The following KCNB2 variants were observed in gnomAD, a reference collection of about 807,000 sequenced individuals.
The protein encoded by KCNB2 is delayed rectifier potassium channel protein.
Under a neutral mutation model 61.5 loss-of-function variants are expected in KCNB2, and 15 were observed. That is an observed-to-expected ratio of 0.24 (90% CI 0.16 to 0.38). The LOEUF (loss-of-function observed/expected upper bound fraction) is 0.38. Ranked by LOEUF, KCNB2 falls within the 10% of genes least tolerant of loss-of-function variation. The pLI is 1.00. For synonymous variants in KCNB2, 457 were observed against 446.0 expected, an observed-to-expected ratio of 1.02 and a Z score of -0.31; for missense variants, 828 against 1,125.2, an observed-to-expected ratio of 0.74 and a Z score of 3.78.
rs545641907 is a variant in KCNB2 at position 72,596,685 on chromosome 8, T to C, written c.579+28372T>C. 2.6e-5 allele frequency among the ~76,000 whole-genome samples: 4 copies of C among 152,334 alleles called. No homozygotes were observed. In the South Asian group the frequency reaches 8.3e-4, roughly 32 times the overall value. ...CAGTGATAATTTGTCTAGTGTTCTA[T>C]ATACTCTATAAAGGTAAGGAAGTGA... On this transcript the variant is annotated intron_variant, in intron 2 of 2. Transcript: ENST00000523207.
intron 2 of KCNB2, among the ~76,000 whole-genome samples, chr8:72,856,870 G>A (rs966398267): frequency 6.6e-6 from 1 of 152,116 alleles, no homozygotes; most frequent in African/African-American, 2.4e-5. Flanking sequence ...TTCTCGATTG[G>A]TCAATTTGTT....
chr8:72,930,579 G>C (rs1025274585), intron 2 of KCNB2, among the ~76,000 whole-genome samples: 3 of 152,168 alleles, frequency 2.0e-5, no homozygotes, highest in Admixed American at 1.3e-4. Context: ...GTGTCTGTTG[G>C]CTGCATAAAT....
intron 2 of KCNB2, among the ~76,000 whole-genome samples, chr8:72,802,958 A>G (rs1809156144): frequency 6.6e-6 from 1 of 152,172 alleles, no homozygotes; most frequent in Non-Finnish European, 1.5e-5. Flanking sequence ...ACTGGTGTTC[A>G]GTGAAAGATT....
In KCNB2 at chr8:72,938,161, A is replaced by T; in HGVS notation, c.*70A>T. 2 of 1,294,606 alleles carry T rather than the reference A, an allele frequency of 1.5e-6. No homozygotes were observed. Among genetic ancestry groups the T allele is most frequent in the South Asian group, 2.9e-5 (2 of 69,808 alleles). 80.2% of individuals were successfully genotyped at this position (1,294,606 alleles called of 1,614,324 possible). On this transcript the variant is annotated 3_prime_UTR_variant, in exon 3 of 3. Coordinates refer to ENST00000523207, the MANE Select transcript of KCNB2 (RefSeq NM_004770.3). ...AACTTGTTTCTTAAAAATGCGGTTA[A>T]TAATGCCTGTGAACTAAAAAAATGG...
chr8:72,820,683 C>T (rs1262808634), intron 2 of KCNB2, among the ~76,000 whole-genome samples: 1 of 151,806 alleles, frequency 6.6e-6, no homozygotes, highest in Non-Finnish European at 1.5e-5. Context: ...CAATTCTTTC[C>T]CTCTAAATTA....
At chr8:72,641,362 A>G (rs907347778) in intron 2 of KCNB2, among the ~76,000 whole-genome samples, 1 of 152,066 alleles carries the variant, frequency 6.6e-6, no homozygotes, top group South Asian at 2.1e-4. Context: ...TCACATTCAT[A>G]TAATTAGTTA....
At chr8:72,891,803 AT>A (rs1219422675) in intron 2 of KCNB2, among the ~76,000 whole-genome samples, 3 of 152,080 alleles carry the variant, frequency 2.0e-5, no homozygotes, top group South Asian at 2.1e-4. Context: ...GTACCTAGAG[AT>A]TTTTTTTCCT....
At chr8:72,797,999 C>A (rs1355143338) in intron 2 of KCNB2, among the ~76,000 whole-genome samples, 1 of 152,174 alleles carries the variant, frequency 6.6e-6, no homozygotes, top group Non-Finnish European at 1.5e-5. Flanking sequence ...TATCTCATTT[C>A]TTTCCCTACC....
intron 2 of KCNB2, among the ~76,000 whole-genome samples, chr8:72,690,916 A>G (rs1806929757): frequency 6.6e-6 from 1 of 152,146 alleles, no homozygotes. Context: ...ATGTTCCTGA[A>G]AGTAATGACA....
chr8:72,901,825 C>G (rs1806097441), intron 2 of KCNB2, among the ~76,000 whole-genome samples: 1 of 152,154 alleles, frequency 6.6e-6, no homozygotes, highest in African/African-American at 2.4e-5. Context: ...CAATGACCAT[C>G]AAATGCAGAT....
chr8:72,898,805 G>A (rs982874576), intron 2 of KCNB2, among the ~76,000 whole-genome samples: 2 of 152,092 alleles, frequency 1.3e-5, no homozygotes, highest in Admixed American at 1.3e-4. Context: ...TCTCAACCAA[G>A]TACTCCACAG....
At chr8:72,785,928 T>A (rs974031893) in intron 2 of KCNB2, among the ~76,000 whole-genome samples, 8 of 152,044 alleles carry the variant, frequency 5.3e-5, no homozygotes, top group African/African-American at 1.9e-4. Context: ...AAAAGGCCAA[T>A]TCCATTTTTA....
At position 72,713,861 on chromosome 8, in the gene KCNB2, C is replaced by T. The variant is rs193281816; in HGVS notation, c.579+145548C>T. Among the ~76,000 whole-genome samples, 297 of 152,092 alleles carry T rather than the reference C, an allele frequency of 2.0e-3. 1 individual carries two copies. Among genetic ancestry groups the T allele is most frequent in the African/African-American group, 6.6e-3 (272 of 41,490 alleles). On this transcript the variant is annotated intron_variant, in intron 2 of 2. Coordinates refer to ENST00000523207, the MANE Select transcript of KCNB2 (RefSeq NM_004770.3). Reference sequence around the variant, plus strand: ...AAGGCTTCAGGAGATCAAACTACTCCGAGCTAAAGGAGGAAGTTCGAAACA... The same window carrying T: ...AAGGCTTCAGGAGATCAAACTACTCTGAGCTAAAGGAGGAAGTTCGAAACA...
At chr8:72,717,331 C>A (rs1310234903) in intron 2 of KCNB2, among the ~76,000 whole-genome samples, 2 of 152,090 alleles carry the variant, frequency 1.3e-5, no homozygotes, top group African/African-American at 2.4e-5. Flanking sequence ...TCATACGGAA[C>A]CAAAAAAGAG....
chr8:72,758,472 T>C (rs1585876236), intron 2 of KCNB2, among the ~76,000 whole-genome samples: 1 of 152,310 alleles, frequency 6.6e-6, no homozygotes, highest in Non-Finnish European at 1.5e-5. Flanking sequence ...GATCTAAATA[T>C]AGCCATGCAC....
At chr8:72,549,528 G>C (rs1054561491) in intron 1 of KCNB2, among the ~76,000 whole-genome samples, 1 of 152,096 alleles carries the variant, frequency 6.6e-6, no homozygotes, top group Non-Finnish European at 1.5e-5. Flanking sequence ...CTAGATGAGG[G>C]GGCTGGGAGT....
rs1052044552 is a variant in KCNB2, at chr8:72,885,110, G to T, written c.580-50825G>T. ...GTGTCTATTGATATGATCATATATG[G>T]TTTATGACATAATCTCCTTTATAGT... On this transcript the variant is annotated intron_variant, in intron 2 of 2. Coordinates refer to ENST00000523207, the MANE Select transcript of KCNB2 (RefSeq NM_004770.3). 2.6e-5 allele frequency among the ~76,000 whole-genome samples: 4 copies of T among 152,074 alleles called. No homozygotes were observed. In the East Asian group the frequency reaches 7.7e-4, roughly 29 times the overall value.
chr8:72,669,179 T>A (rs1806524044), intron 2 of KCNB2, among the ~76,000 whole-genome samples: 1 of 152,184 alleles, frequency 6.6e-6, no homozygotes, highest in African/African-American at 2.4e-5. Context: ...CTACCTGTTC[T>A]TCCAGCTCCT....
intron 2 of KCNB2, among the ~76,000 whole-genome samples, chr8:72,654,041 T>C (rs1806253048): frequency 6.6e-6 from 1 of 152,152 alleles, no homozygotes; most frequent in Admixed American, 6.6e-5. Context: ...CACAAATTGC[T>C]TTAAAGGGTA....
Sources: allele counts gnomAD v4.1 joint callset (sites outside exome capture counted in the v4.1 genomes callset), GRCh38; gene constraint gnomAD v4.1.1; transcripts MANE v1.5; gene names NCBI Gene and HGNC (gene_info 2026-07-23, HGNC 2026-07-21).